PIAS4: variants seen among roughly 807,000 people sequenced by gnomAD.
PIAS4 encodes the protein protein inhibitor of activated STAT 4, also known as E3 SUMO-protein ligase PIAS4.
Under a neutral mutation model 58.0 loss-of-function variants are expected in PIAS4, and 7 were observed. That is an observed-to-expected ratio of 0.12 (90% CI 0.07 to 0.23). The LOEUF is 0.23. Among genes scored for constraint, PIAS4 ranks in the 10% least tolerant of loss-of-function variants. PIAS4 has a pLI of 1.00. For missense variants in PIAS4, 550 were observed against 709.5 expected (o/e 0.78, Z 2.55); for synonymous variants, 364 against 312.4 (o/e 1.17, Z -1.74).
intron 1 of PIAS4, among the ~76,000 whole-genome samples, chr19:4,010,862 C>A (rs1319559605): frequency 6.6e-6 from 1 of 152,244 alleles, no homozygotes; most frequent in African/African-American, 2.4e-5. Context: ...TGGGAAGAGG[C>A]TTCTCCCGAG....
chr19:4,016,931 A>G (rs2040058618), intron 2 of PIAS4, among the ~76,000 whole-genome samples: 1 of 152,156 alleles, frequency 6.6e-6, no homozygotes, highest in South Asian at 2.1e-4. Context: ...CGAGGGCTTC[A>G]GCGCCCCTGA....
chr19:4,015,825 C>T (rs906438236), intron 2 of PIAS4, among the ~76,000 whole-genome samples: 6 of 152,218 alleles, frequency 3.9e-5, no homozygotes, highest in Non-Finnish European at 8.8e-5. Context: ...GAATAGCCGC[C>T]GGCCGGCTCC....
At chr19:4,008,159 G>A (rs1459238787) in intron 1 of PIAS4, among the ~76,000 whole-genome samples, 1 of 152,108 alleles carries the variant, frequency 6.6e-6, no homozygotes, top group African/African-American at 2.4e-5. Flanking sequence ...TGCCCTCTTG[G>A]TTCCGAGCCG....
chr19:4,029,411 C>G (rs1018887218), intron 7 of PIAS4, among the ~76,000 whole-genome samples: 5 of 152,156 alleles, frequency 3.3e-5, no homozygotes, highest in African/African-American at 1.2e-4. Flanking sequence ...CTTCTCGTTG[C>G]CTCAGCGGGG....
chr19:4,033,388 GGTGCCCT>G (rs2040242456), intron 8 of PIAS4, 25 bp from the exon 9 acceptor site: 1 of 1,538,212 alleles, frequency 6.5e-7, no homozygotes, highest in Non-Finnish European at 8.8e-7. Flanking sequence ...CAACAGGAGG[GGTGCCCT>G]GCTCACGCAG....
intron 7 of PIAS4, 41 bp from the exon 8 acceptor site, chr19:4,033,059 T>A (rs1412811736): frequency 1.3e-6 from 2 of 1,559,238 alleles, no homozygotes; most frequent in African/African-American, 2.7e-5. Flanking sequence ...CGCCCTGCTG[T>A]TCCCACCCTC....
Position 4,028,131 on chromosome 19 carries a change from G to C in PIAS4, c.540-15G>C. 1 of 1,613,526 alleles carries C rather than the reference G, an allele frequency of 6.2e-7. No homozygotes were observed. The highest frequency in any genetic ancestry group is 8.5e-7 in the Non-Finnish European group (1 of 1,179,810). ...GCTCTCCTTTCCTTTCCTCTGGTTT[G>C]CTCCACACCCACAGGGAACTGCAGC... On this transcript the variant is annotated splice_polypyrimidine_tract_variant and intron_variant, in intron 3 of 10. Coordinates refer to ENST00000262971, the MANE Select transcript of PIAS4 (RefSeq NM_015897.4).
rs939368306 is a variant in PIAS4 at position 4,013,824 on chromosome 19, C to T, written c.454+475C>T. On this transcript the variant is annotated intron_variant, in intron 2 of 10. Transcript: ENST00000262971. This position sits in a 1 kb window ranked among gnomAD's most constrained non-coding sequence, Gnocchi z 5.1. ...TGGGCGTCCTCAGCCTGGTGGCTCC[C>T]TCACCCTAGGGTAGCGAGTGTGCAC... Among the ~76,000 whole-genome samples, 6 of 152,168 alleles carry T rather than the reference C, an allele frequency of 3.9e-5. No individual in the cohort carries two copies. The highest frequency in any genetic ancestry group is 5.9e-5 in the Non-Finnish European group (4 of 68,008).
rs1599227397 is a variant in PIAS4 at position 4,028,345 on chromosome 19, C to T, written c.581+158C>T. ...CTATCCCTGTCTGGGGATACATCACCATCCGACCCCCACTCAGGCCACACC... is the reference window on the plus strand; with the variant it reads ...CTATCCCTGTCTGGGGATACATCACTATCCGACCCCCACTCAGGCCACACC... On this transcript the variant is annotated intron_variant, in intron 4 of 10. Coordinates refer to ENST00000262971, the MANE Select transcript of PIAS4 (RefSeq NM_015897.4). The T allele has an allele frequency of 5.0e-6, 4 of 792,832 alleles. No individual in the cohort carries two copies. In the East Asian group the frequency reaches 8.0e-5, roughly 16 times the overall value. The allele number at this position is 792,832 out of a possible 1,614,324, so 49.1% of individuals were successfully genotyped here.
chr19:4,035,881 ACCCG>A (rs1568221664), intron 9 of PIAS4, among the ~76,000 whole-genome samples: 8 of 93,394 alleles, frequency 8.6e-5, no homozygotes, highest in African/African-American at 2.4e-4. Flanking sequence ...TCACACACAC[ACCCG>A]CACACATCCA....
At chr19:4,019,355 G>C (rs569741293) in intron 2 of PIAS4, among the ~76,000 whole-genome samples, 2 of 152,272 alleles carry the variant, frequency 1.3e-5, no homozygotes, top group African/African-American at 4.8e-5. Context: ...GTCTCCCCCA[G>C]AGGGAGGAGC....
At chr19:4,028,332 G>T (rs972386281) in intron 4 of PIAS4, 145 bp downstream of exon 4, 8 of 818,430 alleles carry the variant, frequency 9.8e-6, no homozygotes, top group Non-Finnish European at 1.6e-5. Context: ...ATCCCTGTCT[G>T]GGGATACATC....
intron 8 of PIAS4, 49 bp downstream of exon 8, chr19:4,033,222 T>C: frequency 6.8e-7 from 1 of 1,479,076 alleles, no homozygotes; most frequent in Non-Finnish European, 9.4e-7. Context: ...GCGGCCGGCC[T>C]TCCCCCCTGG....
chr19:4,036,772 TCA>T (rs375454896), intron 9 of PIAS4, among the ~76,000 whole-genome samples: 57 of 123,552 alleles, frequency 4.6e-4, no homozygotes, highest in East Asian at 9.2e-4. Flanking sequence ...GTCTACACCG[TCA>T]CACACACACA....
At chr19:4,032,585 T>G (rs910811912) in intron 7 of PIAS4, among the ~76,000 whole-genome samples, 1 of 152,216 alleles carries the variant, frequency 6.6e-6, no homozygotes, top group Non-Finnish European at 1.5e-5. Flanking sequence ...GCACCGTCTT[T>G]TCCTTTAAAG....
rs1266468346 is a variant in PIAS4 at position 4,028,350 on chromosome 19, G to C, written c.582-160G>C. On this transcript the variant is annotated intron_variant, in intron 4 of 10. Coordinates refer to ENST00000262971, the MANE Select transcript of PIAS4 (RefSeq NM_015897.4). ...CCTGTCTGGGGATACATCACCATCC[G>C]ACCCCCACTCAGGCCACACCCGGGG... 6.3e-6 allele frequency: 5 copies of C among 788,232 alleles called. No individual in the cohort carries two copies. The Admixed American group carries it at 6.4e-5, about 10-fold the overall frequency. 48.8% of individuals were successfully genotyped at this position (788,232 alleles called of 1,614,324 possible).
rs564442813 is a variant in PIAS4, at chr19:4,036,329, C to T, written c.1143-1045C>T. On this transcript the variant is annotated intron_variant, in intron 9 of 10. Transcript: ENST00000262971. ...ATACAGTCCACACCTGTTACATGCA[C>T]ACATCTATACAGTCCACACCGTCAC... 2.6e-4 allele frequency among the ~76,000 whole-genome samples: 24 copies of T among 92,244 alleles called. 5 individuals carry two copies. Among genetic ancestry groups the T allele is most frequent in the Non-Finnish European group, 5.4e-4 (22 of 40,798 alleles). The allele number at this position is 92,244 out of a possible 152,430, so 60.5% of individuals were successfully genotyped here. A position where few individuals can be genotyped will look rare whatever the true frequency, so the allele number is the denominator to read the frequency against.
intron 9 of PIAS4, among the ~76,000 whole-genome samples, chr19:4,034,864 A>C (rs2144941700): frequency 6.6e-6 from 1 of 151,946 alleles, no homozygotes; most frequent in East Asian, 1.9e-4. Context: ...GAGCCCTATC[A>C]CCTCTCTGTC....
intron 9 of PIAS4, among the ~76,000 whole-genome samples, chr19:4,034,116 A>G (rs2040252303): frequency 1.3e-5 from 2 of 152,204 alleles, no homozygotes; most frequent in Non-Finnish European, 2.9e-5. Context: ...CCAGGGCTTA[A>G]GTTTCCAGAA....
Sources: allele counts gnomAD v4.1 joint callset (sites outside exome capture counted in the v4.1 genomes callset), GRCh38; gene constraint gnomAD v4.1.1; non-coding constraint Gnocchi (gnomAD v3.1); transcripts MANE v1.5; gene names NCBI Gene and HGNC (gene_info 2026-07-23, HGNC 2026-07-21).